The following LRRC7 variants were observed in gnomAD, a reference collection of about 807,000 sequenced individuals.
LRRC7 encodes leucine rich repeat containing 7.
Under a neutral mutation model 175.7 loss-of-function variants are expected in LRRC7, and 23 were observed. The ratio of observed to expected loss-of-function variants is 0.13; its 90% CI spans 0.09 to 0.19. The LOEUF (loss-of-function observed/expected upper bound fraction) is 0.19. LRRC7 is among the 10% of genes least tolerant of loss of function. LRRC7 has a pLI of 1.00. For missense variants in LRRC7, 1,354 were observed against 1,904.7 expected (o/e 0.71, Z 5.38); for synonymous variants, 685 against 680.9 (o/e 1.01, Z -0.09).
intron 2 of LRRC7, among the ~76,000 whole-genome samples, chr1:69,681,470 C>A (rs912130619): frequency 4.6e-5 from 7 of 152,044 alleles, no homozygotes; most frequent in African/African-American, 1.7e-4. Flanking sequence ...TACCACTTTA[C>A]AATATTTGCA....
chr1:70,001,526 G>A lies in LRRC7; in HGVS notation c.1004+6893G>A, dbSNP rs542821265. Among the ~76,000 whole-genome samples the A allele has an allele frequency of 3.9e-5, 6 of 152,254 alleles. No homozygotes were observed. The East Asian group carries it at 1.2e-3, about 29-fold the overall frequency. On this transcript the variant is annotated intron_variant, in intron 11 of 26. Coordinates refer to ENST00000651989, the MANE Select transcript of LRRC7 (RefSeq NM_001370785.2). ...TTTCATAAATGGCCAAACGATTTATGTTTTTAATGAAACATTCTATCTGTA... is the reference window on the plus strand; with the variant it reads ...TTTCATAAATGGCCAAACGATTTATATTTTTAATGAAACATTCTATCTGTA...
chr1:69,723,388 G>T (rs1557650355), intron 2 of LRRC7, among the ~76,000 whole-genome samples: 1 of 152,040 alleles, frequency 6.6e-6, no homozygotes, highest in Admixed American at 6.6e-5. Context: ...CATATTAAGA[G>T]AAAAAATTGT....
At chr1:69,737,335 T>G (rs770636186) in intron 2 of LRRC7, among the ~76,000 whole-genome samples, 1 of 152,104 alleles carries the variant, frequency 6.6e-6, no homozygotes, top group Non-Finnish European at 1.5e-5. Flanking sequence ...GCAGTTCCCC[T>G]GCACAGGCTT....
intron 22 of LRRC7, among the ~76,000 whole-genome samples, chr1:70,046,330 G>A (rs780593978): frequency 2.0e-5 from 3 of 151,918 alleles, no homozygotes; most frequent in Non-Finnish European, 4.4e-5. Flanking sequence ...CTATTACTGC[G>A]AGCTCTAAGA....
chr1:69,959,784 T>C (rs1340873231), intron 8 of LRRC7, among the ~76,000 whole-genome samples: 2 of 152,044 alleles, frequency 1.3e-5, no homozygotes, highest in Non-Finnish European at 2.9e-5. Flanking sequence ...TGAACGGTCT[T>C]AGAAAACAAC....
chr1:69,595,011 C>CT (rs1646782491), intron 1 of LRRC7, among the ~76,000 whole-genome samples: 24 of 143,400 alleles, frequency 1.7e-4, no homozygotes, highest in Middle Eastern at 3.6e-3. Context: ...TAAAAATGAT[C>CT]ATTTTTTTTT....
At chr1:70,051,259 A>G (rs945111833) in intron 22 of LRRC7, among the ~76,000 whole-genome samples, 4 of 152,016 alleles carry the variant, frequency 2.6e-5, no homozygotes, top group Non-Finnish European at 5.9e-5. Context: ...CCACTTCTTA[A>G]AAATCTACAT....
intron 2 of LRRC7, among the ~76,000 whole-genome samples, chr1:69,749,261 A>G (rs1669568716): frequency 6.6e-6 from 1 of 152,198 alleles, no homozygotes; most frequent in Non-Finnish European, 1.5e-5. Flanking sequence ...ATATGCCACT[A>G]CTTAGTACAA....
At chr1:69,968,014 C>A (rs1191156364) in intron 8 of LRRC7, among the ~76,000 whole-genome samples, 1 of 151,572 alleles carries the variant, frequency 6.6e-6, no homozygotes, top group Non-Finnish European at 1.5e-5. Context: ...CAGGGAGTCA[C>A]CAGAGAAAGG....
chr1:69,705,938 A>G (rs1053324236), intron 2 of LRRC7, among the ~76,000 whole-genome samples: 4 of 152,172 alleles, frequency 2.6e-5, no homozygotes, highest in Non-Finnish European at 5.9e-5. Context: ...AATGCATTCT[A>G]CCACATCTTC....
Position 69,756,339 on chromosome 1 carries a change from T to TA in LRRC7, c.101-3846dup, listed in dbSNP as rs532932480. On this transcript the variant is annotated intron_variant, in intron 2 of 26. Transcript: ENST00000651989. ...GAAATCACAGAAAAATGATTTTTTT[T>TA]AAAAAATGAAGAACTTATCAATTAA... is the stretch of plus-strand genomic sequence containing the variant. 4.5e-4 allele frequency among the ~76,000 whole-genome samples: 69 copies of TA among 151,762 alleles called. No homozygotes were observed. In the South Asian group the frequency reaches 8.1e-3, roughly 18 times the overall value.
Position 70,089,832 on chromosome 1 carries a change from T to A in LRRC7, c.4545+13T>A, listed in dbSNP as rs759010636. 6.5e-7 allele frequency: 1 copy of A among 1,529,384 alleles called. No homozygotes were observed. Among genetic ancestry groups the A allele is most frequent in the Non-Finnish European group, 9.0e-7 (1 of 1,108,080 alleles). The allele number at this position is 1,529,384 out of a possible 1,614,324, so 94.7% of individuals were successfully genotyped here. On this transcript the variant is annotated intron_variant, in intron 25 of 26. Coordinates refer to ENST00000651989, the MANE Select transcript of LRRC7 (RefSeq NM_001370785.2). ...ACCTTCTGACAAGGTAAGAAATGAA[T>A]ATCTTGTTGACAATATTAATTAGAA...
chr1:69,584,403 A>G (rs528155478), intron 1 of LRRC7, among the ~76,000 whole-genome samples: 35 of 152,220 alleles, frequency 2.3e-4, no homozygotes, highest in Admixed American at 7.2e-4. Flanking sequence ...TTTTGCCAAC[A>G]GCTGTGGTTT....
At chr1:69,927,093 G>C (rs534464923) in intron 7 of LRRC7, among the ~76,000 whole-genome samples, 18 of 152,230 alleles carry the variant, frequency 1.2e-4, no homozygotes, top group South Asian at 4.2e-4. Flanking sequence ...ATATGAAATT[G>C]TGGGTTGAAA....
chr1:69,697,619 A>T (rs1036549372), intron 2 of LRRC7, among the ~76,000 whole-genome samples: 2 of 152,330 alleles, frequency 1.3e-5, no homozygotes, highest in East Asian at 1.9e-4. Flanking sequence ...AAATTGTCCC[A>T]TCTGCCCCAA....
intron 7 of LRRC7, among the ~76,000 whole-genome samples, chr1:69,916,108 A>T (rs9425142): frequency 0.25 from 298 of 1,178 alleles, 9 homozygotes; most frequent in Middle Eastern, 0.5. Flanking sequence ...TTTATATATA[A>T]TATATATATT....
chr1:69,876,367 T>C (rs1294209993), intron 7 of LRRC7, among the ~76,000 whole-genome samples: 1 of 152,194 alleles, frequency 6.6e-6, no homozygotes, highest in Non-Finnish European at 1.5e-5. Flanking sequence ...TCAGTTTTAT[T>C]TGTGTCACTT....
chr1:69,747,167 T>G (rs937531359), intron 2 of LRRC7, among the ~76,000 whole-genome samples: 3 of 152,126 alleles, frequency 2.0e-5, no homozygotes, highest in Admixed American at 2.0e-4. Flanking sequence ...GTAGTGACGT[T>G]TAGGACTCAA....
intron 1 of LRRC7, among the ~76,000 whole-genome samples, chr1:69,656,131 G>T (rs1028705367): frequency 1.5e-4 from 23 of 151,816 alleles, no homozygotes; most frequent in African/African-American, 5.1e-4. Context: ...ATGCAAAAGA[G>T]CCAGTTAGTA....
Sources: allele counts gnomAD v4.1 joint callset (sites outside exome capture counted in the v4.1 genomes callset), GRCh38; gene constraint gnomAD v4.1.1; transcripts MANE v1.5; gene names NCBI Gene and HGNC (gene_info 2026-07-23, HGNC 2026-07-21).